The following SLC4A4 variants were observed in gnomAD, a reference collection of about 807,000 sequenced individuals.
SLC4A4 encodes electrogenic sodium bicarbonate cotransporter 1.
SLC4A4 carries 27 observed loss-of-function variants against 111.5 expected under a neutral mutation model. That is an observed-to-expected ratio of 0.24 (90% CI 0.18 to 0.33). The LOEUF (loss-of-function observed/expected upper bound fraction) is 0.33, where lower values mean the gene tolerates loss of function less well. Among genes scored for constraint, SLC4A4 ranks in the 10% least tolerant of loss-of-function variants. SLC4A4 has a pLI of 1.00. For synonymous variants in SLC4A4, 443 were observed against 463.4 expected (o/e 0.96, Z 0.57); for missense variants, 909 against 1,315.5 (o/e 0.69, Z 4.78).
intron 3 of SLC4A4, among the ~76,000 whole-genome samples, chr4:71,313,028 C>T (rs545449458): frequency 1.3e-5 from 2 of 152,230 alleles, no homozygotes; most frequent in Admixed American, 1.3e-4. Context: ...TTTAGAAAAC[C>T]CCATGGTCTC....
intron 2 of SLC4A4, among the ~76,000 whole-genome samples, chr4:71,101,618 C>T (rs941952138): frequency 3.3e-5 from 5 of 152,134 alleles, no homozygotes; most frequent in Non-Finnish European, 7.3e-5. Context: ...TGACCCCTGA[C>T]CCCCGAGCAG....
At chr4:71,169,194 T>C (rs1744871356) in intron 2 of SLC4A4, among the ~76,000 whole-genome samples, 1 of 151,552 alleles carries the variant, frequency 6.6e-6, no homozygotes, top group Admixed American at 6.6e-5. Flanking sequence ...TTTTTTTAAT[T>C]TAGTAGGGAT....
intron 7 of SLC4A4, among the ~76,000 whole-genome samples, chr4:71,433,928 T>A (rs1723873012): frequency 6.6e-6 from 1 of 152,074 alleles, no homozygotes; most frequent in South Asian, 2.1e-4. Flanking sequence ...AGAGCTACTT[T>A]CATCAGTGTG....
intron 6 of SLC4A4, among the ~76,000 whole-genome samples, chr4:71,359,111 G>C (rs142165142): frequency 4.6e-5 from 7 of 152,282 alleles, no homozygotes; most frequent in Non-Finnish European, 8.8e-5. Flanking sequence ...GGATCTTGGC[G>C]GCCAGAATCT....
At chr4:71,162,877 A>G (rs542305117) in intron 2 of SLC4A4, among the ~76,000 whole-genome samples, 2 of 152,240 alleles carry the variant, frequency 1.3e-5, no homozygotes, top group African/African-American at 4.8e-5. Flanking sequence ...CGCCTGCTCT[A>G]TTGCTCTTGA....
At chr4:71,156,526 A>G (rs879815683) in intron 2 of SLC4A4, among the ~76,000 whole-genome samples, 2 of 148,236 alleles carry the variant, frequency 1.3e-5, no homozygotes, top group African/African-American at 4.9e-5. Context: ...CGGTAAAATT[A>G]TACCTTGAGA....
chr4:71,330,190 T>C lies in SLC4A4; in HGVS notation c.254-9180T>C, dbSNP rs117514433. Among the ~76,000 whole-genome samples, 45 of 152,306 alleles carry C rather than the reference T, an allele frequency of 3.0e-4. 1 individual carries two copies. The East Asian group carries it at 8.7e-3, about 29-fold the overall frequency. On this transcript the variant is annotated intron_variant, in intron 3 of 25. Transcript: ENST00000264485. ...TGGTCATGATGAATGAACTTTTTAA[T>C]GTGTGTTGAATTTGGTTTGCTAGTA...
intron 3 of SLC4A4, among the ~76,000 whole-genome samples, chr4:71,311,535 C>T (rs1273947577): frequency 3.3e-5 from 5 of 152,284 alleles, no homozygotes; most frequent in Admixed American, 1.3e-4. Flanking sequence ...GATGAAGAAA[C>T]TCACTCAAAA....
chr4:71,246,380 C>G (rs143455435), intron 2 of SLC4A4, among the ~76,000 whole-genome samples: 4 of 151,966 alleles, frequency 2.6e-5, no homozygotes, highest in African/African-American at 9.7e-5. Context: ...AGGTTGACTC[C>G]CTCTGCAGAG....
chr4:71,565,392 C>G (rs1169479702), intron 24 of SLC4A4, among the ~76,000 whole-genome samples: 1 of 151,776 alleles, frequency 6.6e-6, no homozygotes, highest in Non-Finnish European at 1.5e-5. Flanking sequence ...TTGGGGCATA[C>G]TCCTACCTAT....
At chr4:71,193,767 T>C (rs1343478003) in intron 1 of SLC4A4, among the ~76,000 whole-genome samples, 1 of 152,244 alleles carries the variant, frequency 6.6e-6, no homozygotes, top group Admixed American at 6.5e-5. Flanking sequence ...CCTGAAGTTT[T>C]TATCCAGTAT....
intron 2 of SLC4A4, among the ~76,000 whole-genome samples, chr4:71,120,603 T>C (rs760081581): frequency 6.6e-6 from 1 of 152,176 alleles, no homozygotes; most frequent in Non-Finnish European, 1.5e-5. Flanking sequence ...TGCGGTGGCT[T>C]ATGCCTGTAA....
chr4:71,275,823 G>A (rs1435252097), intron 3 of SLC4A4, among the ~76,000 whole-genome samples: 8 of 152,334 alleles, frequency 5.3e-5, no homozygotes, highest in African/African-American at 1.9e-4. Context: ...TACTGCATCA[G>A]TAACCATTTC....
At chr4:71,506,010 G>A (rs1731386160) in intron 16 of SLC4A4, among the ~76,000 whole-genome samples, 1 of 152,018 alleles carries the variant, frequency 6.6e-6, no homozygotes, top group African/African-American at 2.4e-5. Flanking sequence ...TAGGTGTGTG[G>A]TCTTATTTCT....
chr4:71,193,024 T>C (rs1489194794), intron 1 of SLC4A4, among the ~76,000 whole-genome samples: 1 of 152,238 alleles, frequency 6.6e-6, no homozygotes, highest in Non-Finnish European at 1.5e-5. Flanking sequence ...AAGCATCAGT[T>C]TATTCTCATT....
At chr4:71,538,114 GA>G (rs936129274) in intron 18 of SLC4A4, among the ~76,000 whole-genome samples, 1 of 151,832 alleles carries the variant, frequency 6.6e-6, no homozygotes, top group African/African-American at 2.4e-5. Context: ...TTTTTATTCT[GA>G]AAAAAATTTG....
intron 6 of SLC4A4, among the ~76,000 whole-genome samples, chr4:71,369,011 C>T (rs1344533796): frequency 6.6e-6 from 1 of 152,166 alleles, no homozygotes; most frequent in Non-Finnish European, 1.5e-5. Flanking sequence ...GTGTCCTCCT[C>T]CTCCTCCTGT....
At chr4:71,210,309 A>G (rs1560781649) in intron 1 of SLC4A4, among the ~76,000 whole-genome samples, 1 of 152,246 alleles carries the variant, frequency 6.6e-6, no homozygotes, top group Non-Finnish European at 1.5e-5. Flanking sequence ...TGGCTGTTTA[A>G]TAGCCATTAT....
chr4:71,329,031 C>T lies in SLC4A4; in HGVS notation c.254-10339C>T, dbSNP rs115657173. On this transcript the variant is annotated intron_variant, in intron 3 of 25. Coordinates refer to ENST00000264485, the MANE Select transcript of SLC4A4 (RefSeq NM_001098484.3). ...ATAAGGGTCTAGTTTTATTTTTCTGCATATTAATATCCAGTTTTCCTAGCA... is the reference window on the plus strand; with the variant it reads ...ATAAGGGTCTAGTTTTATTTTTCTGTATATTAATATCCAGTTTTCCTAGCA... Among the ~76,000 whole-genome samples, 443 of 152,186 alleles carry T rather than the reference C, an allele frequency of 2.9e-3. 1 individual carries two copies. The highest frequency in any genetic ancestry group is 0.01 in the African/African-American group (432 of 41,546).
Sources: gnomAD v4.1 joint callset for allele counts (sites outside exome capture counted in the v4.1 genomes callset) on GRCh38, gnomAD v4.1.1 for gene constraint, MANE v1.5 for transcripts, NCBI Gene and HGNC (gene_info 2026-07-23, HGNC 2026-07-21) for gene names.